CLOCK: variants seen among roughly 807,000 people sequenced by gnomAD.
CLOCK encodes circadian locomoter output cycles protein kaput.
Under a neutral mutation model 118.4 loss-of-function variants are expected in CLOCK, and 43 were observed. That is an observed-to-expected ratio of 0.36 (90% CI 0.28 to 0.47). The LOEUF (loss-of-function observed/expected upper bound fraction) is 0.47. CLOCK is among the 20% of genes least tolerant of loss of function. The pLI is 1.00. For synonymous variants in CLOCK, 326 were observed against 339.2 expected, an observed-to-expected ratio of 0.96 and a Z score of 0.43; for missense variants, 846 against 999.9, an observed-to-expected ratio of 0.85 and a Z score of 2.08.
intron 15 of CLOCK, chr4:55,452,685 A>AT (rs939837981): frequency 2.5e-4 from 48 of 194,610 alleles, no homozygotes; most frequent in South Asian, 8.4e-4. Context: ...TTTAGGGAAG[A>AT]TTTTTTTTTC....
intron 1 of CLOCK, among the ~76,000 whole-genome samples, chr4:55,538,460 A>G (rs1182574713): frequency 6.6e-6 from 1 of 152,246 alleles, no homozygotes; most frequent in Non-Finnish European, 1.5e-5. Context: ...TTAAGAACAC[A>G]AAAGATTATT....
intron 8 of CLOCK, among the ~76,000 whole-genome samples, chr4:55,467,510 C>G (rs940509698): frequency 6.6e-6 from 1 of 152,128 alleles, no homozygotes; most frequent in African/African-American, 2.4e-5. Flanking sequence ...AAGCAAGTGC[C>G]AAGAAGCAGG....
chr4:55,484,242 G>A (rs1461422129), intron 3 of CLOCK, among the ~76,000 whole-genome samples: 1 of 151,940 alleles, frequency 6.6e-6, no homozygotes, highest in Non-Finnish European at 1.5e-5. Flanking sequence ...CCAGGGTGGA[G>A]TGCTGTGGCA....
intron 1 of CLOCK, among the ~76,000 whole-genome samples, chr4:55,526,482 C>T (rs1730195937): frequency 6.6e-6 from 1 of 152,162 alleles, no homozygotes; most frequent in African/African-American, 2.4e-5. Context: ...TGTTAAGAGT[C>T]AAACTAGAAT....
chr4:55,466,776 T>C (rs1182228160), intron 8 of CLOCK, among the ~76,000 whole-genome samples: 1 of 152,180 alleles, frequency 6.6e-6, no homozygotes, highest in African/African-American at 2.4e-5. Flanking sequence ...AGGCTGACCA[T>C]ACTTTATGTG....
intron 2 of CLOCK, among the ~76,000 whole-genome samples, chr4:55,497,666 T>G (rs1336664447): frequency 6.6e-6 from 1 of 152,248 alleles, no homozygotes; most frequent in Non-Finnish European, 1.5e-5. Flanking sequence ...GAAAATAATG[T>G]GTATGACAAT....
chr4:55,429,373 G>A lies in CLOCK; in HGVS notation c.*6042C>T, dbSNP rs1027124505. ...CTCCATAGCTTCTCTGAGTCCTAAA[G>A]TGGAGGATTCTGTTCCAATGCTTGT... is the stretch of plus-strand genomic sequence containing the variant. On this transcript the variant is annotated 3_prime_UTR_variant, in exon 23 of 23. Transcript: ENST00000513440. 7 of 152,176 alleles carry A rather than the reference G, an allele frequency of 4.6e-5. No individual in the cohort carries two copies. Among genetic ancestry groups the A allele is most frequent in the Non-Finnish European group, 8.8e-5 (6 of 68,034 alleles). The allele number at this position is 152,176 out of a possible 1,614,324, so 9.4% of individuals were successfully genotyped here.
chr4:55,545,732 T>G lies in CLOCK; in HGVS notation c.-290+1050A>C, dbSNP rs1336001799. 3 of 152,182 alleles carry G rather than the reference T, an allele frequency of 2.0e-5. No individual in the cohort carries two copies. In the East Asian group the frequency reaches 5.8e-4, roughly 29 times the overall value. The allele number at this position is 152,182 out of a possible 1,614,324, so 9.4% of individuals were successfully genotyped here. On this transcript the variant is annotated intron_variant, in intron 1 of 22. Transcript: ENST00000513440. ...AAACACTTTCAAAGAATATAAACTC[T>G]GCGGCGCTGCGTGTAGGAAATTACA...
chr4:55,466,249 T>C (rs1413597658), intron 8 of CLOCK, among the ~76,000 whole-genome samples: 4 of 152,118 alleles, frequency 2.6e-5, no homozygotes, highest in Admixed American at 2.6e-4. Flanking sequence ...TTTTCCCCTT[T>C]TGGCTCAGCA....
At chr4:55,498,498 G>A (rs952257849) in intron 2 of CLOCK, among the ~76,000 whole-genome samples, 17 of 151,936 alleles carry the variant, frequency 1.1e-4, no homozygotes, top group South Asian at 4.1e-4. Flanking sequence ...CTTTGAACTA[G>A]AAGATTTTGC....
chr4:55,438,695 T>A (rs1723096324), intron 21 of CLOCK, among the ~76,000 whole-genome samples, 158 bp from the exon 22 acceptor site: 1 of 152,204 alleles, frequency 6.6e-6, no homozygotes. Context: ...TTTAAAAGAT[T>A]CCCTTTGGTG....
At chr4:55,533,397 G>A (rs1421962331) in intron 1 of CLOCK, among the ~76,000 whole-genome samples, 1 of 152,000 alleles carries the variant, frequency 6.6e-6, no homozygotes, top group Admixed American at 6.6e-5. Context: ...AACAGTGTTG[G>A]GAAAACTGAA....
chr4:55,471,202 G>A (rs1726124121), intron 7 of CLOCK, among the ~76,000 whole-genome samples: 1 of 152,144 alleles, frequency 6.6e-6, no homozygotes, highest in Non-Finnish European at 1.5e-5. Context: ...TTATTATCAT[G>A]GATATGTTAA....
At chr4:55,494,842 C>T (rs1243642970) in intron 2 of CLOCK, among the ~76,000 whole-genome samples, 2 of 152,184 alleles carry the variant, frequency 1.3e-5, no homozygotes, top group Non-Finnish European at 2.9e-5. Context: ...CTCCTGAAGC[C>T]TCCAGAGAGA....
rs776197988 is a variant in CLOCK, at chr4:55,482,811, T to G, written c.-26A>C. ...AACATACTACGTTTTCGTCTTGTAG[T>G]AGACATTTGTACTTCTCCTTAGGTG... On this transcript the variant is annotated 5_prime_UTR_variant, in exon 4 of 23. Transcript: ENST00000513440. 1.3e-6 allele frequency: 2 copies of G among 1,570,260 alleles called. No homozygotes were observed. The highest frequency in any genetic ancestry group is 1.7e-6 in the Non-Finnish European group (2 of 1,144,104).
At chr4:55,462,517 G>C (rs1725417052) in intron 9 of CLOCK, among the ~76,000 whole-genome samples, 1 of 152,096 alleles carries the variant, frequency 6.6e-6, no homozygotes, top group African/African-American at 2.4e-5. Context: ...AGCCTCAAGT[G>C]GTCTGCCCAC....
chr4:55,532,868 C>T (rs906091468), intron 1 of CLOCK, among the ~76,000 whole-genome samples: 1 of 151,182 alleles, frequency 6.6e-6, no homozygotes, highest in South Asian at 2.1e-4. Context: ...GGGGTCGGGT[C>T]GGGGGGGTAG....
At chr4:55,501,954 A>C (rs948223205) in intron 2 of CLOCK, among the ~76,000 whole-genome samples, 3 of 152,164 alleles carry the variant, frequency 2.0e-5, no homozygotes, top group African/African-American at 7.2e-5. Context: ...ATAAACTACA[A>C]GGGCTTTTAT....
rs954164596 is a variant in CLOCK, at chr4:55,435,612, T to G, written c.2362-18A>C. ...CTAGAAGTCTAAAAAACAAATGGAT[T>G]ATGCAGCATTGCTTTACTCCCTTTA... is the stretch of plus-strand genomic sequence containing the variant. On this transcript the variant is annotated intron_variant, in intron 22 of 22. Transcript: ENST00000513440. 4 of 1,613,218 alleles carry G rather than the reference T, an allele frequency of 2.5e-6. No individual in the cohort carries two copies. In the African/African-American group the frequency reaches 5.3e-5, roughly 22 times the overall value.
Sources: allele counts gnomAD v4.1 joint callset (sites outside exome capture counted in the v4.1 genomes callset), GRCh38; gene constraint gnomAD v4.1.1; transcripts MANE v1.5; gene names NCBI Gene and HGNC (gene_info 2026-07-23, HGNC 2026-07-21).